The following PRCP variants were observed in gnomAD, a reference collection of about 807,000 sequenced individuals.
PRCP encodes the protein prolylcarboxypeptidase.
In PRCP, 46 loss-of-function variants were observed where a neutral mutation model predicts 54.2. The observed-to-expected ratio is 0.85, with a 90% CI of 0.67 to 1.09. The LOEUF is 1.09. Among genes scored for constraint, PRCP ranks in the 50% least tolerant of loss-of-function variants. PRCP has a pLI of 0.00. For missense variants in PRCP, 613 were observed against 596.8 expected, an observed-to-expected ratio of 1.03 and a Z score of -0.28; for synonymous variants, 240 against 212.2, an observed-to-expected ratio of 1.13 and a Z score of -1.14.
At chr11:82,881,916 A>G (rs917342110) in intron 1 of PRCP, among the ~76,000 whole-genome samples, 1 of 152,220 alleles carries the variant, frequency 6.6e-6, no homozygotes, top group African/African-American at 2.4e-5. Context: ...AGAACATACT[A>G]TTGACCAGAA....
chr11:82,882,394 T>C (rs865823022), intron 1 of PRCP, among the ~76,000 whole-genome samples: 2 of 152,292 alleles, frequency 1.3e-5, no homozygotes, highest in Middle Eastern at 3.4e-3. Flanking sequence ...ACCTGAGTTG[T>C]GCTGAGATAT....
At chr11:82,894,103 AT>A (rs1211379450) in intron 1 of PRCP, among the ~76,000 whole-genome samples, 1 of 152,176 alleles carries the variant, frequency 6.6e-6, no homozygotes, top group African/African-American at 2.4e-5. Context: ...ATATAAAAAA[AT>A]AAAAAGAAGT....
chr11:82,853,975 CA>C (rs1391358656), intron 2 of PRCP, among the ~76,000 whole-genome samples: 3 of 152,216 alleles, frequency 2.0e-5, no homozygotes, highest in Non-Finnish European at 4.4e-5. Flanking sequence ...TAAAAATTCT[CA>C]AAAAAGTAGG....
intron 6 of PRCP, among the ~76,000 whole-genome samples, chr11:82,847,999 A>G (rs1436416606): frequency 6.6e-6 from 1 of 152,234 alleles, no homozygotes; most frequent in African/African-American, 2.4e-5. Context: ...GGCCTGCTAT[A>G]TGCAATACAC....
intron 1 of PRCP, among the ~76,000 whole-genome samples, chr11:82,884,025 G>A (rs1859811452): frequency 6.6e-6 from 1 of 152,180 alleles, no homozygotes; most frequent in Non-Finnish European, 1.5e-5. Flanking sequence ...GGCCATCAGT[G>A]CTCAGGAAGA....
chr11:82,899,825 G>T (rs769365247), intron 1 of PRCP: 8 of 190,614 alleles, frequency 4.2e-5, no homozygotes, highest in Non-Finnish European at 7.7e-5. Flanking sequence ...AATAGGTAAA[G>T]ATATTAAAAT....
At chr11:82,852,221 T>C (rs565419359) in intron 3 of PRCP, among the ~76,000 whole-genome samples, 1 of 152,302 alleles carries the variant, frequency 6.6e-6, no homozygotes, top group Admixed American at 6.5e-5. Flanking sequence ...TCAACAAATA[T>C]CAGCAAATCA....
At chr11:82,872,696 G>T (rs1245249057) in intron 1 of PRCP, among the ~76,000 whole-genome samples, 1 of 152,118 alleles carries the variant, frequency 6.6e-6, no homozygotes, top group Non-Finnish European at 1.5e-5. Flanking sequence ...AACCAATCCT[G>T]CTGACACCCT....
intron 8 of PRCP, chr11:82,830,827 C>A (rs1858362805): frequency 6.6e-6 from 1 of 151,620 alleles, no homozygotes. Context: ...AATTGACAAG[C>A]CCAACCCAGA....
At chr11:82,884,948 C>T in intron 1 of PRCP, 1 of 1,586,998 alleles carries the variant, frequency 6.3e-7, no homozygotes, top group Non-Finnish European at 8.6e-7. Flanking sequence ...TAGCACACAC[C>T]TCCCAGCTCA....
intron 1 of PRCP, among the ~76,000 whole-genome samples, chr11:82,885,296 A>C (rs1190264924): frequency 6.6e-6 from 1 of 152,252 alleles, no homozygotes; most frequent in Non-Finnish European, 1.5e-5. Flanking sequence ...GGAATGGTAC[A>C]TATTGCAGAA....
intron 6 of PRCP, chr11:82,840,559 T>C (rs1206951608): frequency 6.6e-6 from 1 of 152,146 alleles, no homozygotes; most frequent in East Asian, 1.9e-4. Flanking sequence ...TTTATTGAAT[T>C]TAGATGTTAG....
chr11:82,828,230 C>A (rs1254302019), intron 8 of PRCP: 1 of 152,184 alleles, frequency 6.6e-6, no homozygotes, highest in Admixed American at 6.5e-5. Context: ...AAACCCTAGT[C>A]CAATGCTTAA....
At chr11:82,835,328 C>T (rs1267710033) in intron 8 of PRCP, among the ~76,000 whole-genome samples, 2 of 152,220 alleles carry the variant, frequency 1.3e-5, no homozygotes, top group Non-Finnish European at 2.9e-5. Flanking sequence ...AACTTCCAGG[C>T]AAACAGCTCT....
At chr11:82,901,616 T>C (rs1308733533), upstream of PRCP, 1 of 152,466 alleles carries the variant, frequency 6.6e-6, no homozygotes, top group Non-Finnish European at 1.5e-5. Flanking sequence ...AAAATGGTCG[T>C]TTCCAGATGC....
At chr11:82,829,838 C>T (rs568099571) in intron 8 of PRCP, 26 of 152,238 alleles carry the variant, frequency 1.7e-4, no homozygotes, top group African/African-American at 5.8e-4. Context: ...TATAAATACA[C>T]GTATGCAAGT....
rs940259323 is a variant in PRCP, at chr11:82,865,563, T to C, written c.169-5446A>G. Among the ~76,000 whole-genome samples the C allele has an allele frequency of 9.2e-5, 14 of 152,172 alleles. 1 individual carries two copies. The highest frequency in any genetic ancestry group is 2.4e-5 in the African/African-American group (1 of 41,442). On this transcript the variant is annotated intron_variant, in intron 1 of 8. Transcript: ENST00000313010. ...TTGGATTTATTCAGGCACCCAGACA[T>C]CTAATAACAGTTAACTAAAATTTTA...
intron 1 of PRCP, among the ~76,000 whole-genome samples, chr11:82,864,271 A>G (rs562552244): frequency 3.3e-5 from 5 of 152,352 alleles, no homozygotes; most frequent in East Asian, 3.9e-4. Flanking sequence ...TTTGCACAAC[A>G]TGAATTTACA....
At chr11:82,830,212 AG>A (rs1858343248) in intron 8 of PRCP, 1 of 152,232 alleles carries the variant, frequency 6.6e-6, no homozygotes, top group South Asian at 2.1e-4. Context: ...ATACTCTGTA[AG>A]CATAATAAGT....
Sources: allele counts gnomAD v4.1 joint callset (sites outside exome capture counted in the v4.1 genomes callset), GRCh38; gene constraint gnomAD v4.1.1; transcripts MANE v1.5; gene names NCBI Gene and HGNC (gene_info 2026-07-23, HGNC 2026-07-21).